Variants in PIK3R3 observed in about 807,000 individuals in gnomAD.
PIK3R3 encodes phosphatidylinositol 3-kinase regulatory subunit gamma.
A neutral mutation model predicts 62.9 loss-of-function variants in PIK3R3; 64 were observed. The ratio of observed to expected loss-of-function variants is 1.02; its 90% CI spans 0.83 to 1.25. PIK3R3 has a LOEUF of 1.25. Among genes scored for constraint, PIK3R3 ranks in the 50% most tolerant of loss-of-function variants. The pLI is 0.00. For synonymous variants in PIK3R3, 165 were observed against 189.0 expected (o/e 0.87, Z 1.04); for missense variants, 614 against 561.6 (o/e 1.09, Z -0.94).
chr1:46,111,406 G>T (rs1268594084), intron 1 of PIK3R3, among the ~76,000 whole-genome samples: 1 of 151,910 alleles, frequency 6.6e-6, no homozygotes, highest in Non-Finnish European at 1.5e-5. Context: ...TACCTCTGGG[G>T]GTAAGAAGGG....
chr1:46,097,397 A>C (rs1007735131), intron 1 of PIK3R3, among the ~76,000 whole-genome samples: 2 of 151,694 alleles, frequency 1.3e-5, no homozygotes, highest in Non-Finnish European at 2.9e-5. Context: ...ATAATAATTC[A>C]AAAATTAAAC....
chr1:46,164,761 G>A, the PIK3R3 span, among the ~76,000 whole-genome samples: 1 of 151,990 alleles, frequency 6.6e-6, no homozygotes, highest in Non-Finnish European at 1.5e-5. Flanking sequence ...CAGATTTTCT[G>A]TCCTGGCTCT....
intron 5 of PIK3R3, among the ~76,000 whole-genome samples, chr1:46,062,403 C>T (rs1300014559): frequency 2.6e-5 from 4 of 151,472 alleles, no homozygotes; most frequent in African/African-American, 9.7e-5. Context: ...GGCAAAACCC[C>T]GTCTCTACTA....
At chr1:46,141,288 T>A in the PIK3R3 span, among the ~76,000 whole-genome samples, 1 of 152,146 alleles carries the variant, frequency 6.6e-6, no homozygotes, top group Non-Finnish European at 1.5e-5. Flanking sequence ...TATTTATTTT[T>A]GAGACAGAGT....
intron 1 of PIK3R3, among the ~76,000 whole-genome samples, chr1:46,101,270 C>T (rs781410872): frequency 2.6e-5 from 4 of 151,566 alleles, no homozygotes; most frequent in Non-Finnish European, 4.4e-5. Flanking sequence ...CTGAGGTGGG[C>T]GGATCACAAG....
chr1:46,116,477 C>T (rs543134337), intron 1 of PIK3R3, among the ~76,000 whole-genome samples: 3 of 152,078 alleles, frequency 2.0e-5, no homozygotes, highest in Non-Finnish European at 4.4e-5. Context: ...ATGATCAGGG[C>T]ACCGCATGCT....
chr1:46,171,944 C>T, the PIK3R3 span, among the ~76,000 whole-genome samples: 1 of 152,148 alleles, frequency 6.6e-6, no homozygotes, highest in African/African-American at 2.4e-5. Flanking sequence ...AGGAAGAGCC[C>T]GTGCTAGGCT....
At chr1:46,113,979 C>T (rs559671323) in intron 1 of PIK3R3, among the ~76,000 whole-genome samples, 5 of 152,178 alleles carry the variant, frequency 3.3e-5, no homozygotes, top group African/African-American at 7.2e-5. Context: ...TAAAGAGGAG[C>T]GATGCATGGG....
At chr1:46,142,814 A>T in the PIK3R3 span, among the ~76,000 whole-genome samples, 1 of 152,214 alleles carries the variant, frequency 6.6e-6, no homozygotes, top group Non-Finnish European at 1.5e-5. Flanking sequence ...GAGGCTTATA[A>T]GTCAAGATAG....
chr1:46,098,357 G>T (rs898868716), intron 1 of PIK3R3, among the ~76,000 whole-genome samples: 24 of 152,258 alleles, frequency 1.6e-4, no homozygotes, highest in African/African-American at 5.8e-4. Context: ...ACATGTATAC[G>T]CAACAGAACT....
At chr1:46,161,889 G>A in the PIK3R3 span, among the ~76,000 whole-genome samples, 2 of 151,084 alleles carry the variant, frequency 1.3e-5, no homozygotes, top group South Asian at 4.2e-4. Flanking sequence ...TCAGGAGATC[G>A]AGACCATCCT....
intron 1 of PIK3R3, among the ~76,000 whole-genome samples, chr1:46,126,176 T>G (rs1655080065): frequency 6.6e-6 from 1 of 152,030 alleles, no homozygotes; most frequent in Admixed American, 6.6e-5. Context: ...TGTACAGGGG[T>G]GTTTTCCAGA....
At chr1:46,075,599 G>A (rs1444449670) in intron 3 of PIK3R3, among the ~76,000 whole-genome samples, 1 of 151,586 alleles carries the variant, frequency 6.6e-6, no homozygotes, top group Non-Finnish European at 1.5e-5. Context: ...TCCAGCCTAG[G>A]AGACAGAGCA....
At chr1:46,108,716 C>T (rs1211253625) in intron 1 of PIK3R3, among the ~76,000 whole-genome samples, 3 of 152,156 alleles carry the variant, frequency 2.0e-5, no homozygotes, top group African/African-American at 7.2e-5. Context: ...GGTTTATCTC[C>T]TCCTTCCCTG....
At chr1:46,101,227 G>A (rs186204533) in intron 1 of PIK3R3, among the ~76,000 whole-genome samples, 1 of 151,868 alleles carries the variant, frequency 6.6e-6, no homozygotes, top group Non-Finnish European at 1.5e-5. Flanking sequence ...TGGGCGTGGT[G>A]GCTCACGCCT....
At chr1:46,155,586 T>G in the PIK3R3 span, among the ~76,000 whole-genome samples, 2 of 152,060 alleles carry the variant, frequency 1.3e-5, no homozygotes, top group Admixed American at 1.3e-4. Context: ...CAGCTGTGAC[T>G]ACAGGCACGT....
chr1:46,106,985 T>C (rs746147574), intron 1 of PIK3R3, among the ~76,000 whole-genome samples: 18 of 151,850 alleles, frequency 1.2e-4, no homozygotes, highest in Non-Finnish European at 2.2e-4. Flanking sequence ...GGTCTCAAAC[T>C]CCTGACCTCA....
chr1:46,076,204 A>G (rs1036753581), intron 3 of PIK3R3, among the ~76,000 whole-genome samples: 2 of 152,174 alleles, frequency 1.3e-5, no homozygotes, highest in African/African-American at 4.8e-5. Context: ...ATCATCACAT[A>G]TATTAAGGCC....
At chr1:46,165,751 C>CTTTT in the PIK3R3 span, among the ~76,000 whole-genome samples, 14 of 39,552 alleles carry the variant, frequency 3.5e-4, 7 homozygotes, top group East Asian at 2.1e-3. Context: ...CTGCTTTGTC[C>CTTTT]TTTTTTTTTT....
Sources: gnomAD v4.1 joint callset for allele counts (sites outside exome capture counted in the v4.1 genomes callset) on GRCh38, gnomAD v4.1.1 for gene constraint, MANE v1.5 for transcripts, NCBI Gene and HGNC (gene_info 2026-07-23, HGNC 2026-07-21) for gene names.